Variants in JMJD1C observed in about 807,000 individuals in gnomAD.
JMJD1C encodes the protein jumonji domain-containing protein 1C.
A neutral mutation model predicts 245.3 loss-of-function variants in JMJD1C; 31 were observed. The ratio of observed to expected loss-of-function variants is 0.13; its 90% CI spans 0.09 to 0.17. The LOEUF (loss-of-function observed/expected upper bound fraction) is 0.17, where lower values mean the gene tolerates loss of function less well. Ranked by LOEUF, JMJD1C falls within the 10% of genes least tolerant of loss-of-function variation. JMJD1C has a pLI of 1.00. For synonymous variants in JMJD1C, 1,057 were observed against 1,017.4 expected (o/e 1.04, Z -0.74); for missense variants, 2,691 against 3,000.2 (o/e 0.90, Z 2.41).
intron 3 of JMJD1C, among the ~76,000 whole-genome samples, chr10:63,264,188 T>G (rs1267061908): frequency 6.6e-6 from 1 of 151,886 alleles, no homozygotes; most frequent in African/African-American, 2.4e-5. Flanking sequence ...AGAACTGAAA[T>G]TTATATATAA....
intron 1 of JMJD1C, among the ~76,000 whole-genome samples, chr10:63,446,283 G>A (rs1951716780): frequency 6.6e-6 from 1 of 152,174 alleles, no homozygotes; most frequent in South Asian, 2.1e-4. Flanking sequence ...ACCTAAACTA[G>A]AAGGATGGAG....
At chr10:63,511,210 G>A (rs1954861809) in intron 1 of JMJD1C, among the ~76,000 whole-genome samples, 1 of 152,042 alleles carries the variant, frequency 6.6e-6, no homozygotes, top group Non-Finnish European at 1.5e-5. Flanking sequence ...ATTTATTACA[G>A]GTTTCTGTGT....
intron 1 of JMJD1C, among the ~76,000 whole-genome samples, chr10:63,487,655 G>A (rs1954041268): frequency 1.3e-5 from 2 of 152,218 alleles, no homozygotes; most frequent in South Asian, 2.1e-4. Context: ...GATAGACCAC[G>A]AAGGTGGGTA....
At position 63,263,978 on chromosome 10, in the gene JMJD1C, A is replaced by ACACACT. The variant is rs1389689963; in HGVS notation, c.447+672_447+673insAGTGTG. Among the ~76,000 whole-genome samples, 131 of 131,618 alleles carry ACACACT rather than the reference A, an allele frequency of 1.0e-3. 1 individual carries two copies. The highest frequency in any genetic ancestry group is 6.1e-3 in the South Asian group (23 of 3,776). 86.3% of individuals were successfully genotyped at this position (131,618 alleles called of 152,430 possible). ...TACACATACACACACACACACACAC[A>ACACACT]CACACACACACACACACACACACAC... On this transcript the variant is annotated intron_variant, in intron 3 of 25. Coordinates refer to ENST00000399262, the MANE Select transcript of JMJD1C (RefSeq NM_032776.3).
At chr10:63,212,615 G>T (rs1847496121) in intron 8 of JMJD1C, among the ~76,000 whole-genome samples, 1 of 152,010 alleles carries the variant, frequency 6.6e-6, no homozygotes, top group East Asian at 1.9e-4. Flanking sequence ...CTCAAATACT[G>T]GGAATCTGTA....
intron 2 of JMJD1C, among the ~76,000 whole-genome samples, chr10:63,288,150 G>A (rs998242124): frequency 6.6e-6 from 1 of 152,146 alleles, no homozygotes; most frequent in Non-Finnish European, 1.5e-5. Context: ...CAGACACAGA[G>A]GGCCAACTGT....
At chr10:63,513,862 G>A (rs762287699) in intron 1 of JMJD1C, among the ~76,000 whole-genome samples, 3 of 152,082 alleles carry the variant, frequency 2.0e-5, no homozygotes, top group East Asian at 1.9e-4. Context: ...GCAGTGAGCC[G>A]AGATCGCGCC....
At chr10:63,183,682 T>C (rs957306224) in intron 21 of JMJD1C, 113 bp from the exon 22 acceptor site, 11 of 587,168 alleles carry the variant, frequency 1.9e-5, no homozygotes, top group East Asian at 3.3e-5. Context: ...ATTTGAGTTT[T>C]AGTTTCCTTA....
chr10:63,177,627 T>G (rs1362237596), intron 23 of JMJD1C, 90 bp downstream of exon 23: 2 of 1,354,018 alleles, frequency 1.5e-6, no homozygotes, highest in Non-Finnish European at 2.1e-6. Flanking sequence ...TGTAATGGTC[T>G]TATATTGTTG....
intron 3 of JMJD1C, among the ~76,000 whole-genome samples, chr10:63,225,751 C>T (rs746555996): frequency 6.6e-6 from 1 of 151,254 alleles, no homozygotes; most frequent in African/African-American, 2.4e-5. Flanking sequence ...TGCACTCCAG[C>T]CCGGGCAGCA....
chr10:63,360,552 A>T (rs988809984), intron 2 of JMJD1C, among the ~76,000 whole-genome samples: 1 of 152,192 alleles, frequency 6.6e-6, no homozygotes, highest in Non-Finnish European at 1.5e-5. Flanking sequence ...TCCTAAAAGG[A>T]TATTTGACAA....
intron 1 of JMJD1C, among the ~76,000 whole-genome samples, chr10:63,450,098 G>A (rs1300918638): frequency 6.6e-6 from 1 of 152,068 alleles, no homozygotes; most frequent in Non-Finnish European, 1.5e-5. Context: ...GGGTGACAGA[G>A]TGAGACCCTG....
At chr10:63,185,001 C>T (rs1843956736) in intron 20 of JMJD1C, among the ~76,000 whole-genome samples, 1 of 152,180 alleles carries the variant, frequency 6.6e-6, no homozygotes, top group Non-Finnish European at 1.5e-5. Context: ...TCTTGTTGCC[C>T]GCCTCAGCCT....
chr10:63,283,683 T>G (rs1355156765), intron 2 of JMJD1C, among the ~76,000 whole-genome samples: 1 of 152,122 alleles, frequency 6.6e-6, no homozygotes, highest in African/African-American at 2.4e-5. Flanking sequence ...AGCTTTTTAA[T>G]AGAACCATTC....
intron 2 of JMJD1C, among the ~76,000 whole-genome samples, chr10:63,315,361 A>G (rs977353846): frequency 1.3e-5 from 2 of 152,158 alleles, no homozygotes; most frequent in African/African-American, 4.8e-5. Context: ...AAGTAAGAAC[A>G]TGCAGTATTT....
chr10:63,290,340 G>A (rs7074665), intron 2 of JMJD1C, among the ~76,000 whole-genome samples: 21,457 of 152,056 alleles, frequency 0.14, 3,468 homozygotes, highest in African/African-American at 0.4. Context: ...AGGGTAAGGC[G>A]GGAGGATCAC....
intron 1 of JMJD1C, among the ~76,000 whole-genome samples, chr10:63,514,535 C>A (rs1954959804): frequency 6.6e-6 from 1 of 152,050 alleles, no homozygotes; most frequent in African/African-American, 2.4e-5. Flanking sequence ...GAACAGAAAA[C>A]CAAATACTGC....
rs543536616 is a variant in JMJD1C at position 63,323,464 on chromosome 10, G to A, written c.333+56854C>T. Among the ~76,000 whole-genome samples the A allele has an allele frequency of 5.9e-5, 9 of 152,252 alleles. No homozygotes were observed. The South Asian group carries it at 1.7e-3, about 28-fold the overall frequency. ...GAACCCAGGAGGCTGAGGTTGCAGTGAGCCAAGATCGCGCCACTGTACTCC... is the reference window on the plus strand; with the variant it reads ...GAACCCAGGAGGCTGAGGTTGCAGTAAGCCAAGATCGCGCCACTGTACTCC... On this transcript the variant is annotated intron_variant, in intron 2 of 25. Coordinates refer to ENST00000399262, the MANE Select transcript of JMJD1C (RefSeq NM_032776.3).
chr10:63,500,422 C>T (rs1954508538), intron 1 of JMJD1C, among the ~76,000 whole-genome samples: 1 of 147,068 alleles, frequency 6.8e-6, no homozygotes, highest in African/African-American at 2.5e-5. Context: ...GACCCTGTCT[C>T]CAAAGGAAAA....
Sources: gnomAD v4.1 joint callset for allele counts (sites outside exome capture counted in the v4.1 genomes callset) on GRCh38, gnomAD v4.1.1 for gene constraint, MANE v1.5 for transcripts, NCBI Gene and HGNC (gene_info 2026-07-23, HGNC 2026-07-21) for gene names.